Variants in ARHGAP24 observed in about 807,000 individuals in gnomAD.
ARHGAP24 encodes Rho GTPase activating protein 24, also known as rho GTPase-activating protein 24.
A neutral mutation model predicts 76.4 loss-of-function variants in ARHGAP24; 50 were observed. The observed-to-expected ratio is 0.65, with a 90% CI of 0.52 to 0.83. The LOEUF is 0.83. Ranked by LOEUF, ARHGAP24 falls within the 40% of genes least tolerant of loss-of-function variation. ARHGAP24 has a pLI of 0.00. For missense variants in ARHGAP24, 930 were observed against 914.2 expected, an observed-to-expected ratio of 1.02 and a Z score of -0.22; for synonymous variants, 345 against 323.3, an observed-to-expected ratio of 1.07 and a Z score of -0.72.
chr4:85,824,175 G>A (rs569435680), intron 3 of ARHGAP24, among the ~76,000 whole-genome samples: 40 of 152,264 alleles, frequency 2.6e-4, no homozygotes, highest in African/African-American at 8.7e-4. Context: ...ATCTACATAA[G>A]ATGGTTGCTA....
chr4:85,612,050 G>T (rs4693717), intron 2 of ARHGAP24, among the ~76,000 whole-genome samples: 142,049 of 151,268 alleles, frequency 0.94, 66,778 homozygotes, highest in African/African-American at 0.98. Context: ...GTCAGGCAAA[G>T]ATGTGGATAA....
chr4:85,663,122 T>A (rs1722470478), intron 2 of ARHGAP24, among the ~76,000 whole-genome samples: 1 of 151,834 alleles, frequency 6.6e-6, no homozygotes, highest in Non-Finnish European at 1.5e-5. Context: ...GTGGCCATTT[T>A]CACGATATTG....
At chr4:85,888,402 G>GAAAAA (rs377665282) in intron 3 of ARHGAP24, among the ~76,000 whole-genome samples, 8 of 124,776 alleles carry the variant, frequency 6.4e-5, no homozygotes, top group Admixed American at 8.6e-5. Context: ...TTCCTCTCAA[G>GAAAAA]AAAAAAAAAA....
intron 5 of ARHGAP24, among the ~76,000 whole-genome samples, chr4:85,951,077 G>A (rs1384681977): frequency 6.6e-6 from 1 of 152,006 alleles, no homozygotes; most frequent in Non-Finnish European, 1.5e-5. Flanking sequence ...TGTTAAAAAG[G>A]TCATTCTGGC....
chr4:85,894,421 A>C (rs1261850241), intron 3 of ARHGAP24, among the ~76,000 whole-genome samples: 1 of 152,194 alleles, frequency 6.6e-6, no homozygotes, highest in African/African-American at 2.4e-5. Flanking sequence ...TGGATCCAAG[A>C]AAAAGGTGTA....
At chr4:85,677,896 C>T (rs1419829387) in intron 2 of ARHGAP24, among the ~76,000 whole-genome samples, 1 of 152,062 alleles carries the variant, frequency 6.6e-6, no homozygotes, top group Non-Finnish European at 1.5e-5. Context: ...GAGAATTAGC[C>T]AGACATGGGG....
intron 4 of ARHGAP24, among the ~76,000 whole-genome samples, chr4:85,936,819 C>T (rs950370181): frequency 9.2e-5 from 14 of 152,216 alleles, no homozygotes; most frequent in Non-Finnish European, 4.4e-5. Flanking sequence ...AAAGGCAGGA[C>T]CTACCTTCTA....
chr4:85,617,418 C>G (rs1720577210), intron 2 of ARHGAP24, among the ~76,000 whole-genome samples: 2 of 151,966 alleles, frequency 1.3e-5, no homozygotes, highest in Admixed American at 1.3e-4. Context: ...CGGAGATGTT[C>G]AGTGCACACG....
intron 5 of ARHGAP24, among the ~76,000 whole-genome samples, chr4:85,951,595 C>A (rs1269783864): frequency 1.3e-5 from 2 of 151,898 alleles, no homozygotes; most frequent in Non-Finnish European, 2.9e-5. Context: ...GGGTCCATAG[C>A]CTCAAAATGA....
chr4:85,740,134 C>G (rs1320812820), intron 3 of ARHGAP24, among the ~76,000 whole-genome samples: 3 of 151,798 alleles, frequency 2.0e-5, no homozygotes, highest in South Asian at 2.1e-4. Context: ...TCATTCAAAT[C>G]TCTATTTAAA....
At chr4:85,711,253 G>A (rs1724515705) in intron 2 of ARHGAP24, among the ~76,000 whole-genome samples, 1 of 152,140 alleles carries the variant, frequency 6.6e-6, no homozygotes, top group African/African-American at 2.4e-5. Flanking sequence ...AGGATAAAGG[G>A]TGGAAGGAGG....
chr4:85,946,468 C>T (rs1021001104), intron 5 of ARHGAP24, among the ~76,000 whole-genome samples: 1 of 152,108 alleles, frequency 6.6e-6, no homozygotes, highest in Non-Finnish European at 1.5e-5. Flanking sequence ...TTATTTCAAC[C>T]CTTAGCACCC....
chr4:85,486,032 C>T (rs903713086), intron 1 of ARHGAP24, among the ~76,000 whole-genome samples: 8 of 152,102 alleles, frequency 5.3e-5, no homozygotes, highest in African/African-American at 1.9e-4. Context: ...CGTGCCCAGT[C>T]ATTTAGAATA....
intron 1 of ARHGAP24, among the ~76,000 whole-genome samples, chr4:85,524,305 A>G (rs754965149): frequency 4.6e-5 from 7 of 152,156 alleles, no homozygotes; most frequent in Non-Finnish European, 1.0e-4. Flanking sequence ...TAATAACCAT[A>G]TTCTTAGTAT....
intron 3 of ARHGAP24, among the ~76,000 whole-genome samples, chr4:85,896,268 T>A (rs1486409474): frequency 6.6e-6 from 1 of 152,234 alleles, no homozygotes; most frequent in Non-Finnish European, 1.5e-5. Flanking sequence ...TTAATATTAC[T>A]TTTTTATGTT....
intron 2 of ARHGAP24, among the ~76,000 whole-genome samples, chr4:85,579,153 G>T (rs909983789): frequency 6.6e-6 from 1 of 152,014 alleles, no homozygotes; most frequent in Non-Finnish European, 1.5e-5. Context: ...CTGGTTTTCT[G>T]GTTTCTCAGC....
At chr4:85,546,265 A>G (rs555804032) in intron 1 of ARHGAP24, among the ~76,000 whole-genome samples, 1 of 152,292 alleles carries the variant, frequency 6.6e-6, no homozygotes, top group African/African-American at 2.4e-5. Flanking sequence ...AACTGAAAGC[A>G]AAGAGAACAA....
intron 3 of ARHGAP24, among the ~76,000 whole-genome samples, chr4:85,865,980 A>G (rs1170888403): frequency 6.6e-6 from 1 of 152,140 alleles, no homozygotes; most frequent in Non-Finnish European, 1.5e-5. Context: ...CTTGCTGGAA[A>G]TACCTATTTT....
At chr4:85,595,115 T>C (rs922767581) in intron 2 of ARHGAP24, among the ~76,000 whole-genome samples, 3 of 152,056 alleles carry the variant, frequency 2.0e-5, no homozygotes. Context: ...TTGAACAGAC[T>C]TTTCACAATG....
Sources: allele counts gnomAD v4.1 joint callset (sites outside exome capture counted in the v4.1 genomes callset), GRCh38; gene constraint gnomAD v4.1.1; transcripts MANE v1.5; gene names NCBI Gene and HGNC (gene_info 2026-07-23, HGNC 2026-07-21).